Variants in HAVCR1 observed in about 807,000 individuals in gnomAD.
The protein encoded by HAVCR1 is T cell immunoglobin domain and mucin domain protein 1.
HAVCR1 carries 34 observed loss-of-function variants against 32.0 expected under a neutral mutation model. That is an observed-to-expected ratio of 1.06 (90% CI 0.81 to 1.42). The LOEUF is 1.42. Ranked by LOEUF, HAVCR1 falls within the 40% of genes most tolerant of loss-of-function variation. The pLI, the probability that HAVCR1 is intolerant of heterozygous loss-of-function variation, is 0.00. For missense variants in HAVCR1, 420 were observed against 442.3 expected, an observed-to-expected ratio of 0.95 and a Z score of 0.45; for synonymous variants, 178 against 170.3, an observed-to-expected ratio of 1.05 and a Z score of -0.35.
At chr5:157,029,862 G>T (rs375338120) in intron 8 of HAVCR1, 21 bp from the exon 9 acceptor site, 1 of 1,602,542 alleles carries the variant, frequency 6.2e-7, no homozygotes, top group Non-Finnish European at 8.5e-7. Flanking sequence ...AGTTGTTGAA[G>T]AATAACATGA....
chr5:157,032,409 T>G (rs1318341162), intron 8 of HAVCR1, among the ~76,000 whole-genome samples: 2 of 152,070 alleles, frequency 1.3e-5, no homozygotes, highest in African/African-American at 2.4e-5. Context: ...TCCCAGCTAC[T>G]GGGGAGGCTG....
At chr5:157,057,425 A>G (rs1232276785) in intron 2 of HAVCR1, among the ~76,000 whole-genome samples, 3 of 148,660 alleles carry the variant, frequency 2.0e-5, no homozygotes, top group African/African-American at 7.7e-5. Flanking sequence ...GAAAGAAAGA[A>G]AGAAAGAAAG....
intron 8 of HAVCR1, among the ~76,000 whole-genome samples, chr5:157,030,807 C>T (rs1754128372): frequency 6.6e-6 from 1 of 152,170 alleles, no homozygotes; most frequent in African/African-American, 2.4e-5. Context: ...TGGAACTTGT[C>T]TTCATTCAGC....
rs921899566 is a variant in HAVCR1 at position 157,053,150 on chromosome 5, G to A, written c.380-496C>T. 3.9e-5 allele frequency among the ~76,000 whole-genome samples: 6 copies of A among 152,058 alleles called. 1 individual carries two copies. Among genetic ancestry groups the A allele is most frequent in the Admixed American group, 1.3e-4 (2 of 15,260 alleles). On this transcript the variant is annotated intron_variant, in intron 3 of 8. Transcript: ENST00000523175. ...GCCTGTAATCCCAGCACTTTATGGGGCCAAGGTGGGTGGACTACTTCAGCT... is the reference window on the plus strand; with the variant it reads ...GCCTGTAATCCCAGCACTTTATGGGACCAAGGTGGGTGGACTACTTCAGCT...
chr5:157,054,365 A>G (rs1802826819), intron 3 of HAVCR1, among the ~76,000 whole-genome samples: 1 of 151,876 alleles, frequency 6.6e-6, no homozygotes, highest in Non-Finnish European at 1.5e-5. Context: ...CTAGCTGGGT[A>G]TGGTGGTGCC....
intron 5 of HAVCR1, among the ~76,000 whole-genome samples, chr5:157,045,082 T>C (rs73302560): frequency 0.013 from 2,013 of 152,156 alleles, 59 homozygotes; most frequent in African/African-American, 0.047. Context: ...GAGACCATGT[T>C]TTTCCTAGAT....
At chr5:157,065,988 G>A in the HAVCR1 span, among the ~76,000 whole-genome samples, 7 of 147,976 alleles carry the variant, frequency 4.7e-5, no homozygotes, top group Admixed American at 1.4e-4. Context: ...CCTGGGAGGC[G>A]GAGCTTGCAG....
At chr5:157,056,266 T>C (rs1756135535) in intron 2 of HAVCR1, among the ~76,000 whole-genome samples, 1 of 150,918 alleles carries the variant, frequency 6.6e-6, no homozygotes, top group Non-Finnish European at 1.5e-5. Flanking sequence ...GTTTTTCCCC[T>C]TTTTCCAAGT....
chr5:157,056,884 T>C (rs1756188373), intron 2 of HAVCR1, among the ~76,000 whole-genome samples: 1 of 152,218 alleles, frequency 6.6e-6, no homozygotes, highest in Non-Finnish European at 1.5e-5. Context: ...TCTCATAGAA[T>C]GTTTTGAATT....
rs1553316 is a variant in HAVCR1 at position 157,052,498 on chromosome 5, A to G, written c.536T>C (p.Leu179Pro). Reference protein sequence around the residue: ...TMSIPTTTTVLTTMTVSTTTS... With the variant: ...TMSIPTTTTVPTTMTVSTTTS... ...TGTCGTTGAAACAGTCATTGTCGTC[A>G]GAACAGTCGTTGTCGTTGGAATGCT... The change falls in exon 4 of 9, where the codon CTG becomes CCG. Residue 179 changes from leucine to proline, a missense_variant. Physicochemically the swap from Leu to Pro is moderately conservative, Grantham distance 98 (BLOSUM62 -3). Coordinates refer to ENST00000523175, the MANE Select transcript of HAVCR1 (RefSeq NM_001173393.3). 1,382,898 of 1,613,744 alleles carry G rather than the reference A, an allele frequency of 0.86. 594,062 individuals carry two copies. The highest frequency in any genetic ancestry group is 0.98 in the East Asian group (44,068 of 44,856).
intron 5 of HAVCR1, among the ~76,000 whole-genome samples, chr5:157,044,669 G>GAGAAAT (rs1755251736): frequency 1.4e-5 from 2 of 147,092 alleles, no homozygotes; most frequent in African/African-American, 5.0e-5. Flanking sequence ...AAGAAAGAAA[G>GAGAAAT]AAAGAAAGGA....
At chr5:157,061,392 A>G (rs1240807656), upstream of HAVCR1, among the ~76,000 whole-genome samples, 1 of 151,978 alleles carries the variant, frequency 6.6e-6, no homozygotes, top group East Asian at 1.9e-4. Flanking sequence ...GTGGCACCCA[A>G]CTCCAGACCA....
chr5:157,055,290 A>C lies in HAVCR1; in HGVS notation c.290T>G (p.Val97Gly). 15 of 1,606,238 alleles carry C rather than the reference A, an allele frequency of 9.3e-6. No homozygotes were observed. Among genetic ancestry groups the C allele is most frequent in the Non-Finnish European group, 1.2e-5 (14 of 1,172,730 alleles). ...GCAACAATATACGCCACTGTCAGAC[A>C]CAGCTGTATTTTCTATGGTCAAAGA... is the stretch of plus-strand genomic sequence containing the variant. ...DVSLTIENTA[V>G]SDSGVYCCRV... Residue 97 changes from valine (V) to glycine (G), a missense_variant, in exon 3 of 9, where the codon GTG becomes GGG. Val to Gly is a moderately radical substitution (Grantham distance 109). Coordinates refer to ENST00000523175, the MANE Select transcript of HAVCR1 (RefSeq NM_001173393.3).
At chr5:157,043,398 G>C (rs1434061422) in intron 5 of HAVCR1, among the ~76,000 whole-genome samples, 1 of 152,180 alleles carries the variant, frequency 6.6e-6, no homozygotes, top group Admixed American at 6.5e-5. Flanking sequence ...GGCATGGGTG[G>C]CTCATGCCTA....
At chr5:157,044,635 A>AAGAAAGAAAGAAAGAAAGAAAG (rs1755233662) in intron 5 of HAVCR1, among the ~76,000 whole-genome samples, 1 of 64,756 alleles carries the variant, frequency 1.5e-5, no homozygotes, top group African/African-American at 5.3e-5. Flanking sequence ...GAAAGAAAGA[A>AAGAAAGAAAGAAAGAAAGAAAG]AGAAAGAAAG....
the HAVCR1 span, among the ~76,000 whole-genome samples, chr5:157,068,237 G>A: frequency 6.6e-6 from 1 of 152,098 alleles, no homozygotes; most frequent in Non-Finnish European, 1.5e-5. Context: ...TGGAGCCACT[G>A]CACCCCAGCC....
At chr5:157,044,404 G>A (rs58301176) in intron 5 of HAVCR1, among the ~76,000 whole-genome samples, 702 of 41,728 alleles carry the variant, frequency 0.017, 5 homozygotes, top group East Asian at 0.064. Context: ...AAGGAAGGAA[G>A]GAAGGAAGGA....
rs764258632 is a variant in HAVCR1 at position 157,052,374 on chromosome 5, C to T, written c.660G>A (p.Gln220=). The change falls in exon 4 of 9, where the codon CAG becomes CAA. Residue 220 remains glutamine (Q), a synonymous_variant. Coordinates refer to ENST00000523175, the MANE Select transcript of HAVCR1 (RefSeq NM_001173393.3). ...CATCTGTTTTACCTGGTTCATGGTT[C>T]TGCCTGGGCAAAGGCATTGGAGGAA... ...TFVPPMPLPR[Q]NHEPVATSPS... is the part of the protein sequence containing the mutation. 1.2e-5 allele frequency: 19 copies of T among 1,614,014 alleles called. No homozygotes were observed. Among genetic ancestry groups the T allele is most frequent in the East Asian group, 4.5e-5 (2 of 44,894 alleles).
the HAVCR1 span, among the ~76,000 whole-genome samples, chr5:157,065,179 C>A: frequency 6.6e-6 from 1 of 151,916 alleles, no homozygotes; most frequent in Non-Finnish European, 1.5e-5. Flanking sequence ...ATTAGCCAGG[C>A]GTGGTGGCAG....
Sources: gnomAD v4.1 joint callset for allele counts (sites outside exome capture counted in the v4.1 genomes callset) on GRCh38, gnomAD v4.1.1 for gene constraint, MANE v1.5 for transcripts, NCBI Gene and HGNC (gene_info 2026-07-23, HGNC 2026-07-21) for gene names.